The following TTLL9 variants were observed in gnomAD, a reference collection of about 807,000 sequenced individuals.
TTLL9 encodes the protein probable tubulin polyglutamylase TTLL9.
TTLL9 carries 47 observed loss-of-function variants against 65.6 expected under a neutral mutation model. The observed-to-expected ratio is 0.72, with a 90% CI of 0.57 to 0.91. The LOEUF is 0.91. Ranked by LOEUF, TTLL9 falls within the 40% of genes least tolerant of loss-of-function variation. The probability of loss-of-function intolerance (pLI) is 0.00; values close to 1 mark genes in which losing one functional copy is unlikely to be tolerated. For synonymous variants in TTLL9, 179 were observed against 204.8 expected, an observed-to-expected ratio of 0.87 and a Z score of 1.07; for missense variants, 537 against 568.8, an observed-to-expected ratio of 0.94 and a Z score of 0.57.
rs1343291701 is a variant in TTLL9, at chr20:31,908,693, C to A, written c.309C>A (p.Asn103Lys). 1.9e-6 allele frequency: 3 copies of A among 1,613,692 alleles called. No homozygotes were observed. The highest frequency in any genetic ancestry group is 2.5e-6 in the Non-Finnish European group (3 of 1,179,762). ...DEHVRISHFR[N>K]HYELTRKNYM... is the part of the protein sequence containing the mutation. ...ATGTGCGGATCAGTCACTTCCGGAA[C>A]CACTATGAGGTGAGCTGGGCAGGCG... is the stretch of plus-strand genomic sequence containing the variant. The change falls in exon 5 of 15, where the codon AAC becomes AAA. Residue 103 changes from asparagine (N) to lysine (K), a missense_variant. This residue lies in a region of TTLL9 where 320 missense variants were observed against 311.0 expected (regional missense o/e 1.03). Coordinates refer to ENST00000535842, the MANE Select transcript of TTLL9 (RefSeq NM_001008409.5).
intron 6 of TTLL9, among the ~76,000 whole-genome samples, chr20:31,912,187 T>A (rs950148715): frequency 1.3e-5 from 2 of 152,162 alleles, no homozygotes; most frequent in South Asian, 2.1e-4. Flanking sequence ...TCATTGTTAT[T>A]TCCGAGTCCA....
chr20:31,911,845 TGTGTG>T (rs2063656257), intron 6 of TTLL9, among the ~76,000 whole-genome samples: 1 of 128,408 alleles, frequency 7.8e-6, no homozygotes, highest in African/African-American at 2.7e-5. Flanking sequence ...TGTGTGTGTG[TGTGTG>T]TGTGTGTGTG....
chr20:31,918,380 C>CTTTT (rs202089271), intron 6 of TTLL9, among the ~76,000 whole-genome samples: 1 of 148,446 alleles, frequency 6.7e-6, no homozygotes. Context: ...TTCTTTCTTT[C>CTTTT]TTTTTTTTTT....
intron 3 of TTLL9, among the ~76,000 whole-genome samples, chr20:31,889,038 G>GCACACACA (rs3220144): frequency 6.8e-6 from 1 of 147,254 alleles, no homozygotes; most frequent in Non-Finnish European, 1.5e-5. Flanking sequence ...TTTTATAAAG[G>GCACACACA]CACACACACA....
chr20:31,934,272 A>G (rs1326292844), intron 11 of TTLL9: 1 of 507,066 alleles, frequency 2.0e-6, no homozygotes. Flanking sequence ...AAGGGGACAC[A>G]GGAGAGCAGG....
At chr20:31,925,112 T>TG in intron 9 of TTLL9, 63 bp downstream of exon 9, 3 of 1,483,830 alleles carry the variant, frequency 2.0e-6, no homozygotes, top group Admixed American at 3.5e-5. Flanking sequence ...GCTAGGGAGA[T>TG]GGGGGGAAGA....
At position 31,934,679 on chromosome 20, in the gene TTLL9, G is replaced by A. The variant is rs760129742; in HGVS notation, c.808-13G>A. 6.2e-7 allele frequency: 1 copy of A among 1,603,358 alleles called. No homozygotes were observed. Among genetic ancestry groups the A allele is most frequent in the Non-Finnish European group, 8.5e-7 (1 of 1,175,404 alleles). On this transcript the variant is annotated splice_polypyrimidine_tract_variant and intron_variant, in intron 11 of 14. Coordinates refer to ENST00000535842, the MANE Select transcript of TTLL9 (RefSeq NM_001008409.5). ...CTGAGGCTCCTCTCTCGACCCGGCTGCCCGGGGCCCAGGGCTGCAAGTGGA... is the reference window on the plus strand; with the variant it reads ...CTGAGGCTCCTCTCTCGACCCGGCTACCCGGGGCCCAGGGCTGCAAGTGGA...
At position 31,873,777 on chromosome 20, in the gene TTLL9, A is replaced by G. The variant is rs185591792; in HGVS notation, c.69+2582A>G. ...GAAAGAAAGAAAGAAAGAGAAAGAA[A>G]GAAAGAAAAAGAAAGAAAGGAAGGA... On this transcript the variant is annotated intron_variant, in intron 2 of 14. Coordinates refer to ENST00000535842, the MANE Select transcript of TTLL9 (RefSeq NM_001008409.5). Among the ~76,000 whole-genome samples the G allele has an allele frequency of 8.2e-3, 1,244 of 150,944 alleles. 20 individuals carry two copies. Among genetic ancestry groups the G allele is most frequent in the African/African-American group, 0.029 (1,189 of 40,968 alleles).
At chr20:31,920,537 G>A (rs6121278) in intron 7 of TTLL9, 1 of 152,760 alleles carries the variant, frequency 6.5e-6, no homozygotes, top group Non-Finnish European at 1.5e-5. Flanking sequence ...CGATGGTGCA[G>A]GGTGGGTGGG....
intron 4 of TTLL9, among the ~76,000 whole-genome samples, chr20:31,906,447 A>G (rs993938306): frequency 1.3e-5 from 2 of 152,186 alleles, no homozygotes; most frequent in African/African-American, 4.8e-5. Flanking sequence ...TAGTGTAGGA[A>G]TCTTTTGGAA....
chr20:31,909,956 G>GTGGC, intron 6 of TTLL9, 34 bp downstream of exon 6: 5 of 658,914 alleles, frequency 7.6e-6, no homozygotes, highest in Non-Finnish European at 5.6e-6. Context: ...GGGTGGGAGG[G>GTGGC]AATGAGTCCC....
At chr20:31,917,273 T>G (rs1328852946) in intron 6 of TTLL9, among the ~76,000 whole-genome samples, 1 of 152,178 alleles carries the variant, frequency 6.6e-6, no homozygotes, top group Non-Finnish European at 1.5e-5. Flanking sequence ...GTAGGTTTGC[T>G]TTGTCTGCTT....
intron 2 of TTLL9, among the ~76,000 whole-genome samples, chr20:31,873,821 GAAGAAAGAAAGAAAGAAAGA>G (rs200264258): frequency 3.4e-3 from 325 of 96,040 alleles, no homozygotes; most frequent in South Asian, 5.3e-3. Flanking sequence ...AGGAAGGAAG[GAAGAAAGAAAGAAAGAAAGA>G]AAGAAAGAAA....
Position 31,934,823 on chromosome 20 carries a change from C to G in TTLL9, c.939C>G (p.Ile313Met). The G allele has an allele frequency of 6.2e-7, 1 of 1,614,028 alleles. No homozygotes were observed. Among genetic ancestry groups the G allele is most frequent in the Non-Finnish European group, 8.5e-7 (1 of 1,180,034 alleles). The change falls in exon 12 of 15, where the codon ATC becomes ATG. Residue 313 changes from isoleucine to methionine, a missense_variant. Around this residue, in one of 3 missense-constraint regions of TTLL9, gnomAD observed 205 missense variants for 225.9 expected, o/e 0.91. Coordinates refer to ENST00000535842, the MANE Select transcript of TTLL9 (RefSeq NM_001008409.5). ...GCCTGCAGAGTGTGCAGAAGGTGAT[C>G]ATCAGTGACAAGCACTGCTTCGAGC... ...VKSLQSVQKVIISDKHCFELY... is the reference protein window; with the variant it reads ...VKSLQSVQKVMISDKHCFELY...
At chr20:31,907,645 C>T (rs574740353) in intron 4 of TTLL9, among the ~76,000 whole-genome samples, 208 of 149,624 alleles carry the variant, frequency 1.4e-3, no homozygotes, top group South Asian at 6.4e-3. Context: ...CGCTTGAACC[C>T]GGGAGGAGGA....
intron 10 of TTLL9, among the ~76,000 whole-genome samples, chr20:31,929,500 G>T (rs1162226005): frequency 6.6e-6 from 1 of 151,594 alleles, no homozygotes; most frequent in Non-Finnish European, 1.5e-5. Flanking sequence ...AGGGAATTTT[G>T]TTGTCATTCA....
chr20:31,885,879 C>A (rs149886517), intron 2 of TTLL9, among the ~76,000 whole-genome samples: 1 of 152,216 alleles, frequency 6.6e-6, no homozygotes, highest in Non-Finnish European at 1.5e-5. Context: ...GTCAGAGGGA[C>A]GTGCTCCATG....
At position 31,934,779 on chromosome 20, in the gene TTLL9, G is replaced by A. The variant is rs370540188; in HGVS notation, c.895G>A (p.Asp299Asn). The A allele has an allele frequency of 1.6e-5, 26 of 1,613,554 alleles. No homozygotes were observed. The highest frequency in any genetic ancestry group is 6.7e-5 in the African/African-American group (5 of 74,914). The stretch of plus-strand genomic sequence containing the variant: ...AGTGGAGACACTCTTCAGGGACATC[G>A]ACAACATCTTTGTCAAAAGCCTGCA... ...EAVETLFRDI[D>N]NIFVKSLQSV... The change falls in exon 12 of 15, where the codon GAC (aspartate) becomes AAC (asparagine). Residue 299 changes from aspartate to asparagine, a missense_variant. Asp to Asn is a conservative substitution (Grantham distance 23, BLOSUM62 1). Around this residue, in one of 3 missense-constraint regions of TTLL9, gnomAD observed 205 missense variants for 225.9 expected, o/e 0.91. Coordinates refer to ENST00000535842, the MANE Select transcript of TTLL9 (RefSeq NM_001008409.5).
intron 3 of TTLL9, among the ~76,000 whole-genome samples, chr20:31,892,691 T>C (rs1227180470): frequency 1.3e-5 from 2 of 152,202 alleles, no homozygotes; most frequent in African/African-American, 2.4e-5. Flanking sequence ...GGAAGATTTG[T>C]GTACCCTTGA....
Sources: allele counts gnomAD v4.1 joint callset (sites outside exome capture counted in the v4.1 genomes callset), GRCh38; gene constraint gnomAD v4.1.1; regional missense constraint gnomAD v4.1.1; transcripts MANE v1.5; gene names NCBI Gene and HGNC (gene_info 2026-07-23, HGNC 2026-07-21).